ATP10B: variants seen among roughly 807,000 people sequenced by gnomAD.
ATP10B encodes phospholipid-transporting ATPase VB.
In ATP10B, 122 loss-of-function variants were observed where a neutral mutation model predicts 141.2. The ratio of observed to expected loss-of-function variants is 0.86; its 90% CI spans 0.75 to 1.00. The LOEUF is 1.00. Among genes scored for constraint, ATP10B ranks in the 50% least tolerant of loss-of-function variants. The pLI is 0.00. For synonymous variants in ATP10B, 685 were observed against 692.0 expected (o/e 0.99, Z 0.16); for missense variants, 1,876 against 1,825.3 (o/e 1.03, Z -0.51).
intron 3 of ATP10B, among the ~76,000 whole-genome samples, chr5:160,704,217 AT>A (rs145559713): frequency 9.4e-5 from 14 of 149,070 alleles, no homozygotes; most frequent in East Asian, 3.9e-4. Context: ...ATGCGTGGCT[AT>A]TTTTTTTTTA....
At chr5:160,727,064 A>C (rs1269115934) in intron 2 of ATP10B, among the ~76,000 whole-genome samples, 1 of 152,078 alleles carries the variant, frequency 6.6e-6, no homozygotes, top group Non-Finnish European at 1.5e-5. Context: ...CTGTGCCCTG[A>C]CCACCTTGGG....
intron 2 of ATP10B, among the ~76,000 whole-genome samples, chr5:160,781,117 T>C (rs987046863): frequency 1.1e-4 from 17 of 152,200 alleles, no homozygotes; most frequent in African/African-American, 3.4e-4. Flanking sequence ...GAAAGATCTC[T>C]CGAAAATAAG....
chr5:160,668,829 A>G (rs1762484496), intron 7 of ATP10B, among the ~76,000 whole-genome samples: 1 of 152,192 alleles, frequency 6.6e-6, no homozygotes, highest in Admixed American at 6.5e-5. Context: ...TATTCCCATG[A>G]TATGCATGAG....
At chr5:160,630,221 T>A (rs1478647281) in intron 13 of ATP10B, among the ~76,000 whole-genome samples, 2 of 152,238 alleles carry the variant, frequency 1.3e-5, no homozygotes, top group East Asian at 3.8e-4. Context: ...TTACTGCTCC[T>A]GAATGAACTT....
At chr5:160,584,464 G>C (rs1755758971) in intron 24 of ATP10B, among the ~76,000 whole-genome samples, 2 of 151,930 alleles carry the variant, frequency 1.3e-5, no homozygotes, top group South Asian at 4.2e-4. Flanking sequence ...GCAGGCTGGA[G>C]CTGTTCCTAT....
intron 1 of ATP10B, among the ~76,000 whole-genome samples, chr5:160,811,773 T>C (rs573467657): frequency 6.6e-6 from 1 of 152,130 alleles, no homozygotes; most frequent in African/African-American, 2.4e-5. Flanking sequence ...GGGAACTCAT[T>C]ACTCTGAAAG....
intron 7 of ATP10B, among the ~76,000 whole-genome samples, chr5:160,650,267 T>C (rs1464028526): frequency 1.3e-5 from 2 of 152,014 alleles, no homozygotes; most frequent in African/African-American, 2.4e-5. Flanking sequence ...TGTGTAGGTA[T>C]ATACATGTGT....
In ATP10B at chr5:160,584,005, C is replaced by T. The variant is rs1203655990; in HGVS notation, c.3750+5587G>A. Among the ~76,000 whole-genome samples the T allele has an allele frequency of 3.9e-5, 6 of 152,148 alleles. No homozygotes were observed. The East Asian group carries it at 1.2e-3, about 29-fold the overall frequency. ...TCTGCTGAACTAGACCACTTGGCTC[C>T]CTGGCTTCAGCCCCCTTTCCAGGGG... On this transcript the variant is annotated intron_variant, in intron 24 of 25. Transcript: ENST00000327245.
chr5:160,573,055 A>T (rs190337728), intron 24 of ATP10B, among the ~76,000 whole-genome samples: 1 of 152,280 alleles, frequency 6.6e-6, no homozygotes, highest in Non-Finnish European at 1.5e-5. Flanking sequence ...GTATGGGCTG[A>T]ATGTTTATGT....
intron 1 of ATP10B, among the ~76,000 whole-genome samples, chr5:160,790,344 C>A (rs905948212): frequency 1.3e-5 from 2 of 152,134 alleles, no homozygotes; most frequent in Non-Finnish European, 2.9e-5. Context: ...GTTGATTAGG[C>A]TATTTTAGGT....
At chr5:160,756,421 A>G (rs1768610266) in intron 2 of ATP10B, among the ~76,000 whole-genome samples, 3 of 152,166 alleles carry the variant, frequency 2.0e-5, no homozygotes, top group Admixed American at 6.5e-5. Flanking sequence ...AATAGTAGGT[A>G]TATGTTTAAC....
the ATP10B span, among the ~76,000 whole-genome samples, chr5:160,917,444 GA>G: frequency 6.6e-6 from 1 of 152,132 alleles, no homozygotes; most frequent in East Asian, 1.9e-4. Flanking sequence ...ACAGGCAACA[GA>G]AGGCTTTCTA....
intron 2 of ATP10B, among the ~76,000 whole-genome samples, chr5:160,731,459 G>T (rs925821193): frequency 8.5e-5 from 13 of 152,306 alleles, no homozygotes; most frequent in African/African-American, 3.1e-4. Context: ...TCTTTCATGG[G>T]CATGAGGCAG....
chr5:160,825,179 C>G (rs1774486906), intron 1 of ATP10B, among the ~76,000 whole-genome samples: 1 of 152,098 alleles, frequency 6.6e-6, no homozygotes, highest in South Asian at 2.1e-4. Flanking sequence ...TTCCAAGGAC[C>G]TAGCACATGT....
chr5:160,764,801 C>A (rs1769288100), intron 2 of ATP10B, among the ~76,000 whole-genome samples: 1 of 151,928 alleles, frequency 6.6e-6, no homozygotes. Flanking sequence ...TAATCACATA[C>A]CTAGAAAACC....
intron 2 of ATP10B, among the ~76,000 whole-genome samples, chr5:160,742,520 G>A (rs1243621787): frequency 3.3e-5 from 5 of 152,096 alleles, no homozygotes; most frequent in African/African-American, 1.2e-4. Context: ...AGCTATTTTT[G>A]GCTATACCTA....
intron 2 of ATP10B, among the ~76,000 whole-genome samples, chr5:160,732,480 T>C (rs1163555440): frequency 6.6e-6 from 1 of 152,180 alleles, no homozygotes; most frequent in Non-Finnish European, 1.5e-5. Context: ...TTTTTGAATA[T>C]GGTGAGAGAT....
intron 1 of ATP10B, among the ~76,000 whole-genome samples, chr5:160,818,651 A>G (rs1773868792): frequency 6.6e-6 from 1 of 152,264 alleles, no homozygotes; most frequent in Non-Finnish European, 1.5e-5. Context: ...ATTACTGGGT[A>G]TATACCCAAA....
the ATP10B span, among the ~76,000 whole-genome samples, chr5:160,916,676 G>T: frequency 2.6e-5 from 4 of 152,186 alleles, no homozygotes; most frequent in Non-Finnish European, 5.9e-5. Flanking sequence ...TAAGGGAACA[G>T]AATAAGTCAT....
Sources: allele counts gnomAD v4.1 joint callset (sites outside exome capture counted in the v4.1 genomes callset), GRCh38; gene constraint gnomAD v4.1.1; transcripts MANE v1.5; gene names NCBI Gene and HGNC (gene_info 2026-07-23, HGNC 2026-07-21).